The following HEATR5B variants were observed in gnomAD, a reference collection of about 807,000 sequenced individuals.
The protein encoded by HEATR5B is HEAT repeat containing 5B.
In HEATR5B, 156 loss-of-function variants were observed where a neutral mutation model predicts 224.1. The ratio of observed to expected loss-of-function variants is 0.70; its 90% CI spans 0.61 to 0.80. The LOEUF is 0.80. Ranked by LOEUF, HEATR5B falls within the 30% of genes least tolerant of loss-of-function variation. The pLI is 0.00. For synonymous variants in HEATR5B, 1,027 were observed against 893.0 expected (o/e 1.15, Z -2.68); for missense variants, 2,323 against 2,535.5 (o/e 0.92, Z 1.80).
chr2:37,070,846 C>T (rs1671861661), intron 6 of HEATR5B, among the ~76,000 whole-genome samples: 1 of 152,146 alleles, frequency 6.6e-6, no homozygotes, highest in African/African-American at 2.4e-5. Flanking sequence ...TTTATGAAGT[C>T]CTTCCACATA....
Position 37,068,795 on chromosome 2 carries a change from G to T in HEATR5B, c.1063C>A (p.Arg355=), listed in dbSNP as rs756860662. 4.2e-5 allele frequency: 68 copies of T among 1,613,938 alleles called. No individual in the cohort carries two copies. Among genetic ancestry groups the T allele is most frequent in the Non-Finnish European group, 5.4e-5 (64 of 1,180,004 alleles). ...QTHVEAVYSR[R]CVSFILRATV... ...GCTCTTAGGATAAAGGAAACACATC[G>T]TCTGGAGTACACAGCCTCCACATGT... Residue 355 remains arginine, a synonymous_variant, in exon 8 of 36, where the codon CGA becomes AGA. Coordinates refer to ENST00000233099, the MANE Select transcript of HEATR5B (RefSeq NM_019024.3).
intron 5 of HEATR5B, among the ~76,000 whole-genome samples, chr2:37,074,104 G>A (rs193178737): frequency 3.9e-5 from 6 of 152,172 alleles, no homozygotes; most frequent in Admixed American, 1.3e-4. Context: ...GGCGGATCAC[G>A]AGGTCAGGAG....
intron 2 of HEATR5B, among the ~76,000 whole-genome samples, chr2:37,079,804 T>C (rs1419984574): frequency 6.6e-6 from 1 of 152,158 alleles, no homozygotes; most frequent in Non-Finnish European, 1.5e-5. Context: ...ATAATCAATA[T>C]CTAGAATTCA....
At chr2:37,071,926 AC>A (rs922184923) in intron 6 of HEATR5B, among the ~76,000 whole-genome samples, 183 bp downstream of exon 6, 10 of 152,084 alleles carry the variant, frequency 6.6e-5, no homozygotes, top group Admixed American at 1.3e-4. Context: ...CTCGTGATCC[AC>A]CTGTCTCGGC....
At chr2:37,025,800 T>C (rs1187188280) in intron 24 of HEATR5B, among the ~76,000 whole-genome samples, 1 of 152,200 alleles carries the variant, frequency 6.6e-6, no homozygotes, top group African/African-American at 2.4e-5. Context: ...CTAAATGTAG[T>C]ATGCACACTT....
intron 21 of HEATR5B, among the ~76,000 whole-genome samples, chr2:37,037,411 G>A (rs1335720275): frequency 1.3e-5 from 2 of 151,818 alleles, no homozygotes; most frequent in Admixed American, 1.3e-4. Context: ...CCAAAGTGCT[G>A]GGATTACAGG....
intron 18 of HEATR5B, among the ~76,000 whole-genome samples, chr2:37,047,035 C>CAAAAA (rs57343074): frequency 0.038 from 1,736 of 45,258 alleles, 73 homozygotes; most frequent in Non-Finnish European, 0.044. Context: ...GACTCCACCT[C>CAAAAA]AAAAAAAAAA....
At chr2:37,082,052 CTTTTTTTTTTTTTTTTTTT>C (rs61036576) in intron 2 of HEATR5B, among the ~76,000 whole-genome samples, 20 of 23,960 alleles carry the variant, frequency 8.3e-4, no homozygotes, top group East Asian at 7.6e-3. Context: ...GAAGTATCTA[CTTTTTTTTTTTTTTTTTTT>C]TTTTTTTTTT....
In HEATR5B at chr2:37,079,851, G is replaced by A. The variant is rs188422491; in HGVS notation, c.127-520C>T. ...AAACAATATTTATTATGTACTTAAC[G>A]TATGCCACATACTAGGGTGCAACAG... On this transcript the variant is annotated intron_variant, in intron 2 of 35. Transcript: ENST00000233099. Among the ~76,000 whole-genome samples, 8 of 152,218 alleles carry A rather than the reference G, an allele frequency of 5.3e-5. No individual in the cohort carries two copies. The South Asian group carries it at 8.3e-4, about 16-fold the overall frequency.
chr2:37,029,635 G>T (rs945228233), intron 22 of HEATR5B, among the ~76,000 whole-genome samples: 5 of 151,572 alleles, frequency 3.3e-5, no homozygotes, highest in Non-Finnish European at 7.4e-5. Flanking sequence ...TTGCACTCCA[G>T]CCTGGACCAC....
chr2:37,055,599 T>C (rs1670856997), intron 16 of HEATR5B, among the ~76,000 whole-genome samples: 1 of 152,206 alleles, frequency 6.6e-6, no homozygotes, highest in South Asian at 2.1e-4. Context: ...AAGCAATTAA[T>C]CAAGCAACCT....
At chr2:37,065,641 G>C (rs1251934042) in intron 9 of HEATR5B, 114 bp downstream of exon 9, 13 of 901,906 alleles carry the variant, frequency 1.4e-5, no homozygotes, top group Non-Finnish European at 2.2e-5. Context: ...AGTAAAACCT[G>C]ATGATCTGAA....
At chr2:37,007,652 C>A (rs1227732111) in intron 28 of HEATR5B, among the ~76,000 whole-genome samples, 3 of 152,268 alleles carry the variant, frequency 2.0e-5, no homozygotes, top group East Asian at 3.9e-4. Context: ...TACTATTATA[C>A]ATGTTCGCTC....
In HEATR5B at chr2:37,002,899, G is replaced by A. The variant is rs370266898; in HGVS notation, c.5051-327C>T. ...TAGTCGACTCTCAGCAATTTCATTT[G>A]GTCCTTTCTAATGAAAATAAAATCA... On this transcript the variant is annotated intron_variant, in intron 31 of 35. Coordinates refer to ENST00000233099, the MANE Select transcript of HEATR5B (RefSeq NM_019024.3). 1.4e-4 allele frequency among the ~76,000 whole-genome samples: 21 copies of A among 152,156 alleles called. No individual in the cohort carries two copies. In the South Asian group the frequency reaches 3.7e-3, roughly 27 times the overall value.
At chr2:37,016,754 T>A (rs1024617221) in intron 26 of HEATR5B, among the ~76,000 whole-genome samples, 1 of 152,172 alleles carries the variant, frequency 6.6e-6, no homozygotes, top group Non-Finnish European at 1.5e-5. Context: ...AGTTCCTATA[T>A]TGAAAACGTT....
intron 27 of HEATR5B, among the ~76,000 whole-genome samples, chr2:37,011,303 G>A (rs1290671719): frequency 6.6e-6 from 1 of 152,196 alleles, no homozygotes; most frequent in African/African-American, 2.4e-5. Context: ...ACAAAAACAG[G>A]AAACTGCATG....
intron 35 of HEATR5B, among the ~76,000 whole-genome samples, chr2:36,983,661 G>C (rs1025646744): frequency 2.0e-5 from 3 of 152,102 alleles, no homozygotes; most frequent in African/African-American, 4.8e-5. Context: ...CTGGGAGGCA[G>C]AGGTCTCAGC....
At chr2:37,000,436 T>C in intron 33 of HEATR5B, 150 bp downstream of exon 33, 1 of 649,158 alleles carries the variant, frequency 1.5e-6, no homozygotes, top group Non-Finnish European at 2.7e-6. Flanking sequence ...GAAAAGAGTA[T>C]TAAAGTTCAC....
In HEATR5B at chr2:37,041,277, T is replaced by A; in HGVS notation, c.2712A>T (p.Arg904=). Residue 904 remains arginine (R), a synonymous_variant, in exon 19 of 36, where the codon CGA becomes CGT. Coordinates refer to ENST00000233099, the MANE Select transcript of HEATR5B (RefSeq NM_019024.3). ...QYSFDKLKSA[R]DVVSRTGHSL... is the part of the protein sequence containing the mutation. ...AATGACCAGTCCTAGATACAACATC[T>A]CGAGCCGATTTCAACCTGAAAAAAA... 6.2e-7 allele frequency: 1 copy of A among 1,613,772 alleles called. No homozygotes were observed. The highest frequency in any genetic ancestry group is 8.5e-7 in the Non-Finnish European group (1 of 1,179,892).
Sources: allele counts gnomAD v4.1 joint callset (sites outside exome capture counted in the v4.1 genomes callset), GRCh38; gene constraint gnomAD v4.1.1; transcripts MANE v1.5; gene names NCBI Gene and HGNC (gene_info 2026-07-23, HGNC 2026-07-21).